FAM118A: variants seen among roughly 807,000 people sequenced by gnomAD.
FAM118A encodes SIR2 antiphage like 2.
A neutral mutation model predicts 38.2 loss-of-function variants in FAM118A; 25 were observed. The observed-to-expected ratio is 0.65, with a 90% CI of 0.48 to 0.91. The LOEUF (loss-of-function observed/expected upper bound fraction) is 0.91. FAM118A is among the 40% of genes least tolerant of loss of function. The probability of loss-of-function intolerance (pLI) is 0.00; values close to 1 mark genes in which losing one functional copy is unlikely to be tolerated. For missense variants in FAM118A, 425 were observed against 463.3 expected, an observed-to-expected ratio of 0.92 and a Z score of 0.76; for synonymous variants, 178 against 184.1, an observed-to-expected ratio of 0.97 and a Z score of 0.27.
intron 8 of FAM118A, among the ~76,000 whole-genome samples, chr22:45,338,154 G>C (rs781686061): frequency 3.9e-5 from 6 of 151,928 alleles, no homozygotes; most frequent in Non-Finnish European, 7.4e-5. Flanking sequence ...CATCTTCTCT[G>C]TTCTCCCTTT....
intron 1 of FAM118A, among the ~76,000 whole-genome samples, chr22:45,313,425 C>T (rs567079514): frequency 2.7e-5 from 4 of 150,586 alleles, no homozygotes; most frequent in African/African-American, 9.8e-5. Context: ...CAGATTCAAG[C>T]GATTCTCCTG....
In FAM118A at chr22:45,334,974, C is replaced by T. The variant is rs2085984524; in HGVS notation, c.938-376C>T. Reference sequence around the variant, plus strand: ...CCAGGTTGGGGCAGGCAAGTGGATTCGACAGGCTGCCAGAAGACTGCAAGG... The same window carrying T: ...CCAGGTTGGGGCAGGCAAGTGGATTTGACAGGCTGCCAGAAGACTGCAAGG... On this transcript the variant is annotated intron_variant, in intron 6 of 8. Transcript: ENST00000441876. 2.4e-5 allele frequency: 5 copies of T among 208,476 alleles called. 1 individual carries two copies. The South Asian group carries it at 4.2e-4, about 17-fold the overall frequency. The allele number at this position is 208,476 out of a possible 1,614,324, so 12.9% of individuals were successfully genotyped here.
In FAM118A at chr22:45,341,918, T is replaced by G. The variant is rs1203544555; in HGVS notation, c.*1513T>G. The G allele has an allele frequency of 6.6e-6, 1 of 152,174 alleles. No homozygotes were observed. Among genetic ancestry groups the G allele is most frequent in the East Asian group, 1.9e-4 (1 of 5,202 alleles). 9.4% of individuals were successfully genotyped at this position (152,174 alleles called of 1,614,324 possible). On this transcript the variant is annotated 3_prime_UTR_variant, in exon 9 of 9. Coordinates refer to ENST00000441876, the MANE Select transcript of FAM118A (RefSeq NM_017911.4). ...TTTTGAAGCATGGAAAACAAATCTTTTATGCCACTCCAGCCATAAATAAAA... is the reference window on the plus strand; with the variant it reads ...TTTTGAAGCATGGAAAACAAATCTTGTATGCCACTCCAGCCATAAATAAAA...
At chr22:45,322,943 A>G (rs2084970571) in intron 2 of FAM118A, among the ~76,000 whole-genome samples, 1 of 152,218 alleles carries the variant, frequency 6.6e-6, no homozygotes, top group Non-Finnish European at 1.5e-5. Flanking sequence ...TGCATGAGAC[A>G]CAGCTGTCCC....
At chr22:45,312,906 A>G (rs1479619577) in intron 1 of FAM118A, among the ~76,000 whole-genome samples, 1 of 152,086 alleles carries the variant, frequency 6.6e-6, no homozygotes, top group Non-Finnish European at 1.5e-5. Flanking sequence ...TTTTATGGAG[A>G]CGACTTAAGC....
At chr22:45,311,448 G>C (rs538028901) in intron 1 of FAM118A, among the ~76,000 whole-genome samples, 3 of 152,318 alleles carry the variant, frequency 2.0e-5, no homozygotes, top group African/African-American at 7.2e-5. Flanking sequence ...GAAGGAAGGT[G>C]GGAGGTGGTC....
chr22:45,318,196 C>T (rs2084692120), intron 1 of FAM118A, among the ~76,000 whole-genome samples: 1 of 152,162 alleles, frequency 6.6e-6, no homozygotes, highest in Non-Finnish European at 1.5e-5. Context: ...AAGTTCTAAG[C>T]AGACAGCATC....
intron 1 of FAM118A, among the ~76,000 whole-genome samples, chr22:45,311,406 G>A (rs1192544768): frequency 6.6e-6 from 1 of 152,186 alleles, no homozygotes; most frequent in African/African-American, 2.4e-5. Context: ...GACTGCACCT[G>A]CCATTGTCCT....
At chr22:45,310,696 A>T (rs927857406) in intron 1 of FAM118A, among the ~76,000 whole-genome samples, 3 of 152,078 alleles carry the variant, frequency 2.0e-5, no homozygotes, top group Middle Eastern at 3.2e-3. Context: ...AGACGGTAAC[A>T]GCGCGCCCGA....
At chr22:45,323,041 CTGTGTGTG>C (rs3041118) in intron 2 of FAM118A, 126 bp from the exon 3 acceptor site, 140 of 659,748 alleles carry the variant, frequency 2.1e-4, no homozygotes, top group African/African-American at 1.1e-3. Context: ...TCAGAGGGGA[CTGTGTGTG>C]TGTGTGTGTG....
intron 8 of FAM118A, among the ~76,000 whole-genome samples, chr22:45,337,176 C>T (rs2086164827): frequency 6.6e-6 from 1 of 152,336 alleles, no homozygotes; most frequent in Admixed American, 6.5e-5. Flanking sequence ...GTATCCCACC[C>T]CCTAGCCCGC....
chr22:45,328,768 A>G (rs1236823493), intron 4 of FAM118A: 6 of 347,242 alleles, frequency 1.7e-5, no homozygotes, highest in Non-Finnish European at 3.2e-5. Flanking sequence ...AGAGAGTGAG[A>G]CCCTGTCTCA....
chr22:45,333,490 C>T (rs896041402), intron 6 of FAM118A, among the ~76,000 whole-genome samples: 4 of 151,864 alleles, frequency 2.6e-5, no homozygotes, highest in Admixed American at 6.6e-5. Flanking sequence ...CTGGCTAACA[C>T]GGTGAAACCC....
intron 2 of FAM118A, among the ~76,000 whole-genome samples, chr22:45,322,828 A>C (rs981768606): frequency 7.2e-5 from 11 of 152,362 alleles, no homozygotes; most frequent in African/African-American, 2.6e-4. Flanking sequence ...CGTCACTGCA[A>C]GCAGGGGTCA....
chr22:45,337,894 C>T, intron 8 of FAM118A: 1 of 985,396 alleles, frequency 1.0e-6, no homozygotes, highest in South Asian at 4.7e-5. Flanking sequence ...TTGTGATTCC[C>T]CCGGACTCCA....
intron 1 of FAM118A, among the ~76,000 whole-genome samples, chr22:45,317,963 T>C (rs1406961598): frequency 2.0e-5 from 3 of 152,160 alleles, no homozygotes; most frequent in Non-Finnish European, 1.5e-5. Context: ...TAGAAGGGTG[T>C]GGCTGCCAGC....
At chr22:45,335,918 A>G (rs561119488) in intron 7 of FAM118A, among the ~76,000 whole-genome samples, 2 of 152,324 alleles carry the variant, frequency 1.3e-5, no homozygotes, top group East Asian at 3.9e-4. Flanking sequence ...TTGCCGAATC[A>G]TTTGGGTAAA....
intron 3 of FAM118A, among the ~76,000 whole-genome samples, 157 bp from the exon 4 acceptor site, chr22:45,327,685 C>T (rs1480885965): frequency 6.6e-6 from 1 of 152,224 alleles, no homozygotes; most frequent in Non-Finnish European, 1.5e-5. Context: ...GTGAGCATCC[C>T]CTGTCCCCCT....
upstream of FAM118A, chr22:45,308,963 G>A (rs1033421002): frequency 2.0e-5 from 3 of 152,300 alleles, no homozygotes; most frequent in South Asian, 2.1e-4. Flanking sequence ...AGAGGAAGTG[G>A]ATTGGGTCTT....
Sources: gnomAD v4.1 joint callset for allele counts (sites outside exome capture counted in the v4.1 genomes callset) on GRCh38, gnomAD v4.1.1 for gene constraint, MANE v1.5 for transcripts, NCBI Gene and HGNC (gene_info 2026-07-23, HGNC 2026-07-21) for gene names.